The following IMMP2L variants were observed in gnomAD, a reference collection of about 807,000 sequenced individuals.
The protein encoded by IMMP2L is mitochondrial inner membrane protease subunit 2.
In IMMP2L, 18 loss-of-function variants were observed where a neutral mutation model predicts 19.3. The observed-to-expected ratio is 0.93, with a 90% CI of 0.64 to 1.38. The LOEUF is 1.38. Among genes scored for constraint, IMMP2L ranks in the 40% most tolerant of loss-of-function variants. The pLI is 0.00. For missense variants in IMMP2L, 233 were observed against 218.2 expected, an observed-to-expected ratio of 1.07 and a Z score of -0.43; for synonymous variants, 76 against 73.0, an observed-to-expected ratio of 1.04 and a Z score of -0.21.
At chr7:111,103,341 A>G (rs1798187707) in intron 3 of IMMP2L, among the ~76,000 whole-genome samples, 1 of 151,640 alleles carries the variant, frequency 6.6e-6, no homozygotes, top group Non-Finnish European at 1.5e-5. Context: ...ATTTTTTCAA[A>G]TATTTGCCAA....
Position 111,258,538 on chromosome 7 carries a change from G to T in IMMP2L, c.239+228700C>A, listed in dbSNP as rs374250383. On this transcript the variant is annotated intron_variant, in intron 3 of 5. Transcript: ENST00000405709. ...TTTTATTTTTTTGAAAAAGAATCTTGCTCTGTCGCCCAGGCTGGAATGCAA... is the reference window on the plus strand; with the variant it reads ...TTTTATTTTTTTGAAAAAGAATCTTTCTCTGTCGCCCAGGCTGGAATGCAA... 1.0e-3 allele frequency among the ~76,000 whole-genome samples: 156 copies of T among 151,906 alleles called. 1 individual carries two copies. The highest frequency in any genetic ancestry group is 1.7e-3 in the South Asian group (8 of 4,818).
chr7:111,007,257 G>A (rs1824388828), intron 3 of IMMP2L, among the ~76,000 whole-genome samples: 1 of 152,036 alleles, frequency 6.6e-6, no homozygotes, highest in East Asian at 1.9e-4. Context: ...CAGCATGGGG[G>A]AAATCACCCT....
intron 5 of IMMP2L, among the ~76,000 whole-genome samples, chr7:110,868,266 C>T (rs892765709): frequency 1.3e-5 from 2 of 151,830 alleles, no homozygotes; most frequent in East Asian, 1.9e-4. Flanking sequence ...AGGATTTCTT[C>T]GTTTTTCTTA....
chr7:111,110,431 A>C (rs777035637), intron 3 of IMMP2L, among the ~76,000 whole-genome samples: 23 of 152,174 alleles, frequency 1.5e-4, no homozygotes, highest in Non-Finnish European at 2.5e-4. Context: ...AGAAAACATA[A>C]ACAATACCAG....
chr7:110,949,582 T>C (rs1017435973), intron 4 of IMMP2L, among the ~76,000 whole-genome samples: 2 of 152,192 alleles, frequency 1.3e-5, no homozygotes, highest in Non-Finnish European at 2.9e-5. Context: ...TAAACTTTTA[T>C]TGGGAATTTA....
At chr7:111,028,536 G>A (rs142717692) in intron 3 of IMMP2L, among the ~76,000 whole-genome samples, 1 of 152,184 alleles carries the variant, frequency 6.6e-6, no homozygotes, top group Admixed American at 6.6e-5. Flanking sequence ...CAAAGAAAAA[G>A]CTATGTAGTT....
chr7:111,304,074 ATGAAT>A (rs1318166945), intron 3 of IMMP2L, among the ~76,000 whole-genome samples: 1 of 152,138 alleles, frequency 6.6e-6, no homozygotes, highest in Admixed American at 6.6e-5. Flanking sequence ...ATACACTAAA[ATGAAT>A]TGAAGAAACT....
intron 3 of IMMP2L, among the ~76,000 whole-genome samples, chr7:111,433,868 C>T (rs2131711771): frequency 6.6e-6 from 1 of 151,912 alleles, no homozygotes; most frequent in Admixed American, 6.5e-5. Flanking sequence ...GACCATACTA[C>T]ATGGAGCAAT....
At chr7:111,319,266 C>T (rs1002623288) in intron 3 of IMMP2L, among the ~76,000 whole-genome samples, 1 of 151,996 alleles carries the variant, frequency 6.6e-6, no homozygotes, top group Non-Finnish European at 1.5e-5. Flanking sequence ...CCTTGATGTT[C>T]TATATAGCTT....
chr7:111,406,459 A>G (rs894766659), intron 3 of IMMP2L, among the ~76,000 whole-genome samples: 3 of 152,004 alleles, frequency 2.0e-5, no homozygotes, highest in African/African-American at 7.2e-5. Context: ...GAGCATCTAG[A>G]GTGATCATGG....
chr7:110,727,175 G>A lies in IMMP2L; in HGVS notation c.409-63454C>T, dbSNP rs1795938552. 1.3e-5 allele frequency among the ~76,000 whole-genome samples: 2 copies of A among 152,124 alleles called. No homozygotes were observed. The stretch of plus-strand genomic sequence containing the variant: ...GGCTGAGGTGGGTGGATCACCTGAG[G>A]TCAGGAGTTTGAGACCTGCCTGACC... On this transcript the variant is annotated intron_variant, in intron 5 of 5. Transcript: ENST00000405709. The surrounding 1 kb of genome is among the most constrained non-coding windows in gnomAD (Gnocchi z 4.3).
intron 3 of IMMP2L, among the ~76,000 whole-genome samples, chr7:111,379,205 G>GT (rs1740243637): frequency 1.6e-5 from 2 of 124,438 alleles, no homozygotes; most frequent in Admixed American, 8.1e-5. Flanking sequence ...AACCCTTATG[G>GT]TAAAAAAAAA....
intron 5 of IMMP2L, among the ~76,000 whole-genome samples, chr7:110,856,598 G>T (rs1806803478): frequency 6.6e-6 from 1 of 152,002 alleles, no homozygotes; most frequent in Non-Finnish European, 1.5e-5. Flanking sequence ...TGAGCAGCTA[G>T]CAAGATCTGA....
At chr7:111,038,964 T>A (rs1723460008) in intron 3 of IMMP2L, among the ~76,000 whole-genome samples, 1 of 152,160 alleles carries the variant, frequency 6.6e-6, no homozygotes, top group African/African-American at 2.4e-5. Context: ...AGAAATATAT[T>A]TCTAAGCCTT....
intron 3 of IMMP2L, chr7:111,124,715 G>C: frequency 6.2e-7 from 1 of 1,613,902 alleles, no homozygotes; most frequent in Non-Finnish European, 8.5e-7. Flanking sequence ...CTTATCAGCT[G>C]CCTCTCTCCA....
intron 3 of IMMP2L, among the ~76,000 whole-genome samples, chr7:111,070,510 G>A (rs1216720128): frequency 6.6e-6 from 1 of 152,066 alleles, no homozygotes; most frequent in Non-Finnish European, 1.5e-5. Context: ...CTTATGATTG[G>A]ATATTTTTGA....
chr7:111,505,713 T>C (rs1252571027), intron 2 of IMMP2L, among the ~76,000 whole-genome samples: 5 of 151,522 alleles, frequency 3.3e-5, no homozygotes, highest in Non-Finnish European at 7.4e-5. Flanking sequence ...AGCAAACTAT[T>C]GCAAGAACAA....
At chr7:111,111,688 G>A (rs939809699) in intron 3 of IMMP2L, among the ~76,000 whole-genome samples, 11 of 151,864 alleles carry the variant, frequency 7.2e-5, no homozygotes, top group Non-Finnish European at 1.3e-4. Flanking sequence ...AATTTTAAAT[G>A]AATTCAAGGG....
At chr7:110,918,653 A>G (rs899876719) in intron 4 of IMMP2L, among the ~76,000 whole-genome samples, 4 of 151,428 alleles carry the variant, frequency 2.6e-5, no homozygotes, top group Non-Finnish European at 5.9e-5. Flanking sequence ...ACAGGGTTTC[A>G]CCATGTTGGC....
Sources: allele counts gnomAD v4.1 joint callset (sites outside exome capture counted in the v4.1 genomes callset), GRCh38; gene constraint gnomAD v4.1.1; non-coding constraint Gnocchi (gnomAD v3.1); transcripts MANE v1.5; gene names NCBI Gene and HGNC (gene_info 2026-07-23, HGNC 2026-07-21).